GALNT13: variants seen among roughly 807,000 people sequenced by gnomAD.
GALNT13 encodes the protein UDP-GalNAc:polypeptide N-acetylgalactosaminyltransferase 13.
A neutral mutation model predicts 64.2 loss-of-function variants in GALNT13; 28 were observed. The ratio of observed to expected loss-of-function variants is 0.44; its 90% CI spans 0.32 to 0.60. GALNT13 has a LOEUF of 0.60. Ranked by LOEUF, GALNT13 falls within the 20% of genes least tolerant of loss-of-function variation. The probability of loss-of-function intolerance (pLI) is 0.05; values close to 1 mark genes in which losing one functional copy is unlikely to be tolerated. For missense variants in GALNT13, 577 were observed against 669.8 expected, an observed-to-expected ratio of 0.86 and a Z score of 1.53; for synonymous variants, 214 against 224.6, an observed-to-expected ratio of 0.95 and a Z score of 0.42.
intron 8 of GALNT13, among the ~76,000 whole-genome samples, chr2:154,269,926 T>TATATATATATA (rs1356571076): frequency 1.8e-4 from 6 of 33,340 alleles, no homozygotes; most frequent in African/African-American, 4.0e-4. Flanking sequence ...ATATATATAT[T>TATATATATATA]TCTAAAGCAC....
intron 1 of GALNT13, among the ~76,000 whole-genome samples, chr2:153,894,389 A>C (rs1318319724): frequency 6.6e-6 from 1 of 152,096 alleles, no homozygotes; most frequent in Non-Finnish European, 1.5e-5. Flanking sequence ...AGTGATATAA[A>C]TTGGCTGATG....
the GALNT13 span, among the ~76,000 whole-genome samples, chr2:153,072,797 A>C: frequency 6.6e-6 from 1 of 152,146 alleles, no homozygotes; most frequent in Non-Finnish European, 1.5e-5. Flanking sequence ...TGTAATAACT[A>C]TTCATCCTTT....
chr2:153,187,287 C>T, the GALNT13 span, among the ~76,000 whole-genome samples: 1 of 152,130 alleles, frequency 6.6e-6, no homozygotes, highest in African/African-American at 2.4e-5. Flanking sequence ...CTGGAGTGGG[C>T]TTCTTGGGAG....
intron 3 of GALNT13, among the ~76,000 whole-genome samples, chr2:154,113,619 A>G (rs1703110402): frequency 6.6e-6 from 1 of 152,212 alleles, no homozygotes; most frequent in South Asian, 2.1e-4. Context: ...TTTATTTCCC[A>G]TCCTCTGGCA....
the GALNT13 span, among the ~76,000 whole-genome samples, chr2:153,479,787 G>C: frequency 6.6e-6 from 1 of 152,154 alleles, no homozygotes; most frequent in African/African-American, 2.4e-5. Context: ...TTATAGGCCT[G>C]ATTGACGCTT....
chr2:153,417,649 CTTTAAG>C, the GALNT13 span, among the ~76,000 whole-genome samples: 1 of 152,070 alleles, frequency 6.6e-6, no homozygotes, highest in Non-Finnish European at 1.5e-5. Context: ...AAATATGGAA[CTTTAAG>C]TTTATTGAAA....
chr2:153,884,478 A>C (rs1686998938), intron 1 of GALNT13, among the ~76,000 whole-genome samples: 1 of 151,852 alleles, frequency 6.6e-6, no homozygotes. Context: ...ATAAAGAAAT[A>C]TAAATTCTTG....
intron 9 of GALNT13, among the ~76,000 whole-genome samples, chr2:154,330,490 T>G (rs1036062426): frequency 6.6e-6 from 1 of 152,098 alleles, no homozygotes; most frequent in Non-Finnish European, 1.5e-5. Context: ...ATCACCTTGC[T>G]CCCTAATTTA....
the GALNT13 span, among the ~76,000 whole-genome samples, chr2:153,827,439 C>T: frequency 2.0e-5 from 3 of 152,132 alleles, no homozygotes; most frequent in East Asian, 5.8e-4. Flanking sequence ...CTGGCTAACA[C>T]AGTGAAATGC....
chr2:153,601,247 A>G, the GALNT13 span, among the ~76,000 whole-genome samples: 5 of 151,538 alleles, frequency 3.3e-5, no homozygotes, highest in African/African-American at 1.2e-4. Context: ...TAAGCTCCTT[A>G]ATCATTGATG....
intron 3 of GALNT13, among the ~76,000 whole-genome samples, chr2:154,100,640 T>C (rs10200412): frequency 0.76 from 115,010 of 151,928 alleles, 43,917 homozygotes; most frequent in East Asian, 0.96. Context: ...AAGTTCATGT[T>C]GTAAGTGAAG....
At chr2:153,432,351 C>A in the GALNT13 span, among the ~76,000 whole-genome samples, 1 of 152,090 alleles carries the variant, frequency 6.6e-6, no homozygotes, top group Non-Finnish European at 1.5e-5. Flanking sequence ...AAGAAATGGT[C>A]ATAAGCAGGA....
At chr2:153,657,201 A>G in the GALNT13 span, among the ~76,000 whole-genome samples, 7 of 152,128 alleles carry the variant, frequency 4.6e-5, no homozygotes, top group African/African-American at 1.7e-4. Flanking sequence ...TACAAAGGAA[A>G]GACAGGTTTT....
intron 4 of GALNT13, among the ~76,000 whole-genome samples, chr2:154,179,844 A>T (rs1245408939): frequency 1.4e-5 from 2 of 142,858 alleles, no homozygotes; most frequent in Non-Finnish European, 3.1e-5. Flanking sequence ...AAAAAAAAAA[A>T]TCTTAAAAGG....
the GALNT13 span, among the ~76,000 whole-genome samples, chr2:153,260,638 A>G: frequency 7.9e-5 from 12 of 151,754 alleles, no homozygotes; most frequent in Non-Finnish European, 1.8e-4. Context: ...TTTATCCTCG[A>G]CCTTTGGGAG....
At chr2:153,725,464 AAAT>A in the GALNT13 span, among the ~76,000 whole-genome samples, 90 of 150,706 alleles carry the variant, frequency 6.0e-4, 1 homozygote, top group Non-Finnish European at 4.4e-4. Context: ...AATTAAAAAA[AAAT>A]AATAATAATA....
At chr2:153,768,312 C>T in the GALNT13 span, among the ~76,000 whole-genome samples, 4 of 152,142 alleles carry the variant, frequency 2.6e-5, no homozygotes, top group Admixed American at 6.6e-5. Flanking sequence ...GGTACATTTG[C>T]TCTATAGTCC....
the GALNT13 span, among the ~76,000 whole-genome samples, chr2:153,784,404 T>C: frequency 6.6e-6 from 1 of 152,202 alleles, no homozygotes. Context: ...AAGAAACTTC[T>C]AAGCGGCAAA....
At chr2:153,571,320 T>C in the GALNT13 span, among the ~76,000 whole-genome samples, 1 of 152,232 alleles carries the variant, frequency 6.6e-6, no homozygotes, top group South Asian at 2.1e-4. Flanking sequence ...CCTGCAACTT[T>C]AATAAATTTG....
Sources: allele counts gnomAD v4.1 joint callset (sites outside exome capture counted in the v4.1 genomes callset), GRCh38; gene constraint gnomAD v4.1.1; transcripts MANE v1.5; gene names NCBI Gene and HGNC (gene_info 2026-07-23, HGNC 2026-07-21).